The following ASTN2 variants were observed in gnomAD, a reference collection of about 807,000 sequenced individuals.
ASTN2 encodes the protein astrotactin 2.
ASTN2 carries 54 observed loss-of-function variants against 139.8 expected under a neutral mutation model. The observed-to-expected ratio is 0.39, with a 90% CI of 0.31 to 0.48. The LOEUF (loss-of-function observed/expected upper bound fraction) is 0.48. Among genes scored for constraint, ASTN2 ranks in the 20% least tolerant of loss-of-function variants. The pLI, the probability that ASTN2 is intolerant of heterozygous loss-of-function variation, is 0.95. For synonymous variants in ASTN2, 756 were observed against 719.5 expected (o/e 1.05, Z -0.81); for missense variants, 1,565 against 1,725.1 (o/e 0.91, Z 1.64).
intron 5 of ASTN2, among the ~76,000 whole-genome samples, chr9:117,068,910 T>G: frequency 8.6e-6 from 1 of 116,152 alleles, no homozygotes; most frequent in Non-Finnish European, 1.8e-5. Context: ...TTTTTCTTTA[T>G]TAGTCTTGCT....
At chr9:116,533,315 A>G (rs184368313) in intron 19 of ASTN2, among the ~76,000 whole-genome samples, 99 of 152,318 alleles carry the variant, frequency 6.5e-4, no homozygotes, top group African/African-American at 2.2e-3. Context: ...AACAGGGACA[A>G]TTTGACTTCC....
At chr9:117,048,963 C>CTTTTTTTTTTTTT (rs372277811) in intron 5 of ASTN2, among the ~76,000 whole-genome samples, 1,995 of 88,826 alleles carry the variant, frequency 0.022, 333 homozygotes, top group African/African-American at 0.053. Context: ...TCATCCATTG[C>CTTTTTTTTTTTTT]TTTTTTTTTT....
intron 17 of ASTN2, among the ~76,000 whole-genome samples, chr9:116,625,066 A>G (rs1396203035): frequency 6.6e-6 from 1 of 152,170 alleles, no homozygotes; most frequent in African/African-American, 2.4e-5. Context: ...GATTACTTGT[A>G]TCTCCCATGT....
At chr9:117,183,344 C>A (rs189451889) in intron 3 of ASTN2, among the ~76,000 whole-genome samples, 1 of 152,288 alleles carries the variant, frequency 6.6e-6, no homozygotes, top group East Asian at 1.9e-4. Flanking sequence ...ATATAAAGCA[C>A]CCGATCTATC....
At chr9:116,870,351 C>T (rs1216912140) in intron 10 of ASTN2, among the ~76,000 whole-genome samples, 1 of 152,070 alleles carries the variant, frequency 6.6e-6, no homozygotes, top group African/African-American at 2.4e-5. Context: ...CTGTAGATGA[C>T]TATGAGGATA....
At chr9:117,322,111 T>G (rs1430012062) in intron 1 of ASTN2, among the ~76,000 whole-genome samples, 3 of 144,740 alleles carry the variant, frequency 2.1e-5, no homozygotes, top group African/African-American at 7.5e-5. Flanking sequence ...CCTTTATTGC[T>G]CCATAATTCA....
intron 16 of ASTN2, among the ~76,000 whole-genome samples, chr9:116,660,753 C>A (rs901495227): frequency 6.6e-6 from 1 of 152,150 alleles, no homozygotes; most frequent in African/African-American, 2.4e-5. Flanking sequence ...GAATTGAATG[C>A]GTAAGTCCAA....
At chr9:116,766,940 T>C (rs779921213) in intron 13 of ASTN2, among the ~76,000 whole-genome samples, 33 of 151,492 alleles carry the variant, frequency 2.2e-4, no homozygotes, top group Admixed American at 1.3e-3. Context: ...CACACATTCA[T>C]ACTTATACAC....
intron 5 of ASTN2, among the ~76,000 whole-genome samples, chr9:117,053,181 G>A (rs1442464911): frequency 6.6e-6 from 1 of 151,938 alleles, no homozygotes; most frequent in Non-Finnish European, 1.5e-5. Flanking sequence ...ATTGTGCATG[G>A]TGACTCAAGC....
At position 116,425,627 on chromosome 9, in the gene ASTN2, C is replaced by A. The variant is rs750756756; in HGVS notation, c.*224G>T. ...GACTTTTGATAGAGTCAAATAATAT[C>A]TTTGAAAAAATAAAAGATAGAGAAA... is the stretch of plus-strand genomic sequence containing the variant. On this transcript the variant is annotated 3_prime_UTR_variant, in exon 23 of 23. Transcript: ENST00000313400. 1 of 1,612,394 alleles carries A rather than the reference C, an allele frequency of 6.2e-7. No homozygotes were observed. The highest frequency in any genetic ancestry group is 2.2e-5 in the East Asian group (1 of 44,874).
At chr9:116,995,742 G>A (rs532079727) in intron 7 of ASTN2, among the ~76,000 whole-genome samples, 1 of 152,120 alleles carries the variant, frequency 6.6e-6, no homozygotes, top group Non-Finnish European at 1.5e-5. Context: ...TCCATTAACT[G>A]TGATTTAGTT....
intron 2 of ASTN2, among the ~76,000 whole-genome samples, chr9:117,273,049 C>T (rs561309184): frequency 1.3e-5 from 2 of 152,152 alleles, no homozygotes; most frequent in Non-Finnish European, 1.5e-5. Flanking sequence ...AAAGACATAC[C>T]TGAGGCTGGG....
At chr9:117,135,338 G>A (rs1025126166) in intron 4 of ASTN2, among the ~76,000 whole-genome samples, 2 of 152,180 alleles carry the variant, frequency 1.3e-5, no homozygotes, top group Admixed American at 6.5e-5. Context: ...TTATTGGGAA[G>A]TTTTAAATAA....
At chr9:116,756,945 T>C (rs1341490065) in intron 13 of ASTN2, among the ~76,000 whole-genome samples, 1 of 152,158 alleles carries the variant, frequency 6.6e-6, no homozygotes, top group Non-Finnish European at 1.5e-5. Flanking sequence ...CAGGGTGCTA[T>C]TATGCCACAC....
intron 2 of ASTN2, among the ~76,000 whole-genome samples, chr9:117,232,101 C>T (rs1832910681): frequency 1.3e-5 from 2 of 152,100 alleles, no homozygotes; most frequent in Non-Finnish European, 2.9e-5. Flanking sequence ...AGGGTAAGTG[C>T]TGCTACAAAA....
intron 21 of ASTN2, among the ~76,000 whole-genome samples, chr9:116,441,330 A>T (rs1321921): frequency 0.96 from 146,435 of 151,862 alleles, 70,752 homozygotes; most frequent in Non-Finnish European, 1. Context: ...TAACTTCAAT[A>T]CATCATGAGT....
chr9:117,161,873 T>TA (rs1554785386), intron 3 of ASTN2, among the ~76,000 whole-genome samples: 20,616 of 151,838 alleles, frequency 0.14, 1,784 homozygotes, highest in Non-Finnish European at 0.19. Context: ...TCTTTTTTTT[T>TA]AGAATCTTTA....
At chr9:117,362,334 A>G (rs892872553) in intron 1 of ASTN2, among the ~76,000 whole-genome samples, 1 of 151,854 alleles carries the variant, frequency 6.6e-6, no homozygotes, top group African/African-American at 2.4e-5. Flanking sequence ...GCTCTGTCCC[A>G]TACTAAACCA....
At position 116,741,951 on chromosome 9, in the gene ASTN2, C is replaced by A. The variant is rs527240471; in HGVS notation, c.2397-8428G>T. On this transcript the variant is annotated intron_variant, in intron 13 of 22. Transcript: ENST00000313400. ...CATTCATTCGTTCATTCATTCATTC[C>A]TTCATTCATTCAACAAATATTTACT... Among the ~76,000 whole-genome samples the A allele has an allele frequency of 4.6e-5, 7 of 152,278 alleles. No homozygotes were observed. In the South Asian group the frequency reaches 1.2e-3, roughly 27 times the overall value.
Sources: gnomAD v4.1 joint callset for allele counts (sites outside exome capture counted in the v4.1 genomes callset) on GRCh38, gnomAD v4.1.1 for gene constraint, MANE v1.5 for transcripts, NCBI Gene and HGNC (gene_info 2026-07-23, HGNC 2026-07-21) for gene names.